The following TREH variants were observed in gnomAD, a reference collection of about 807,000 sequenced individuals.
TREH encodes the protein trehalase.
TREH carries 69 observed loss-of-function variants against 80.5 expected under a neutral mutation model. The observed-to-expected ratio is 0.86, with a 90% CI of 0.71 to 1.05. TREH has a LOEUF of 1.05. Among genes scored for constraint, TREH ranks in the 50% least tolerant of loss-of-function variants. TREH has a pLI of 0.00. For synonymous variants in TREH, 309 were observed against 293.5 expected (o/e 1.05, Z -0.54); for missense variants, 716 against 718.8 (o/e 1.00, Z 0.04).
chr11:118,672,754 C>G lies in TREH; in HGVS notation c.89+6785G>C, dbSNP rs1195393230. 2.1e-5 allele frequency among the ~76,000 whole-genome samples: 3 copies of G among 140,600 alleles called. No homozygotes were observed. In the Admixed American group the frequency reaches 2.1e-4, roughly 10 times the overall value. The allele number at this position is 140,600 out of a possible 152,430, so 92.2% of individuals were successfully genotyped here. ...AAAAAAAAGAAATCACCTGAAGGTA[C>G]AAAACTCACTGGTAATAGTAAGCAC... On this transcript the variant is annotated intron_variant, in intron 1 of 14. Coordinates refer to ENST00000264029, the MANE Select transcript of TREH (RefSeq NM_007180.3).
intron 1 of TREH, among the ~76,000 whole-genome samples, chr11:118,673,840 GAGT>G (rs1555146559): frequency 1.3e-5 from 2 of 152,214 alleles, no homozygotes; most frequent in African/African-American, 2.4e-5. Context: ...TCTTTGATCA[GAGT>G]AACAACCTTC....
In TREH at chr11:118,663,398, A is replaced by T. The variant is rs1475623077; in HGVS notation, c.131T>A (p.Met44Lys). Residue 44 changes from methionine to lysine, a missense_variant, in exon 2 of 15, where the codon ATG becomes AAG. Met to Lys is a moderately conservative substitution (Grantham distance 95). Coordinates refer to ENST00000264029, the MANE Select transcript of TREH (RefSeq NM_007180.3). ...CHGELLNQVQ[M>K]AKLYQDDKQF... ...CTTGTCATCCTGGTAGAGCTTGGCC[A>T]TTTGAACTTGGTTTAGGAGCTCCCC... is the stretch of plus-strand genomic sequence containing the variant. The T allele has an allele frequency of 1.9e-6, 3 of 1,596,736 alleles. No individual in the cohort carries two copies. Among genetic ancestry groups the T allele is most frequent in the African/African-American group, 2.7e-5 (2 of 74,632 alleles).
rs560240643 is a variant in TREH, at chr11:118,667,129, G to A, written c.90-3690C>T. Among the ~76,000 whole-genome samples the A allele has an allele frequency of 9.2e-5, 14 of 152,140 alleles. No individual in the cohort carries two copies. In the South Asian group the frequency reaches 2.5e-3, roughly 27 times the overall value. On this transcript the variant is annotated intron_variant, in intron 1 of 14. Transcript: ENST00000264029. ...ACTCCCAACCTCAGGTGATCCGCCC[G>A]TCTCAGCCTCCCAAAGTGCTGGGAT...
At chr11:118,666,905 G>A (rs541711427) in intron 1 of TREH, among the ~76,000 whole-genome samples, 3 of 151,708 alleles carry the variant, frequency 2.0e-5, no homozygotes, top group African/African-American at 4.8e-5. Flanking sequence ...TTTTTTAGAC[G>A]GAGTTTTGCT....
Position 118,660,635 on chromosome 11 carries a change from G to T in TREH, c.1006C>A (p.Leu336Ile), listed in dbSNP as rs1949309432. ...AGTTTGCTTGTTCGGATGCCGCTAA[G>T]CGAGTTGGGGTTTGGGCCTCCAATG... ...WLIGGPNPNS[L>I]SGIRTSKLVP... is the part of the protein sequence containing the mutation. Residue 336 changes from leucine (L) to isoleucine (I), a missense_variant, in exon 10 of 15, where the codon CTT (leucine) becomes ATT (isoleucine). Coordinates refer to ENST00000264029, the MANE Select transcript of TREH (RefSeq NM_007180.3). 1 of 1,608,058 alleles carries T rather than the reference G, an allele frequency of 6.2e-7. No individual in the cohort carries two copies. The highest frequency in any genetic ancestry group is 1.3e-5 in the African/African-American group (1 of 74,984).
chr11:118,664,707 C>T (rs1235519779), intron 1 of TREH, among the ~76,000 whole-genome samples: 1 of 152,154 alleles, frequency 6.6e-6, no homozygotes, highest in Non-Finnish European at 1.5e-5. Flanking sequence ...GCATACCGTC[C>T]TCAGAGTAGC....
chr11:118,658,580 C>T, intron 14 of TREH, 100 bp downstream of exon 14: 1 of 1,521,228 alleles, frequency 6.6e-7, no homozygotes, highest in South Asian at 1.2e-5. Flanking sequence ...CTCCCCCGGG[C>T]CCACATGCAG....
rs782012469 is a variant in TREH at position 118,661,197 on chromosome 11, G to A, written c.820C>T (p.Leu274Phe). 17 of 1,613,992 alleles carry A rather than the reference G, an allele frequency of 1.1e-5. No individual in the cohort carries two copies. Among genetic ancestry groups the A allele is most frequent in the Non-Finnish European group, 1.4e-5 (16 of 1,179,892 alleles). Residue 274 changes from leucine to phenylalanine, a missense_variant, in exon 8 of 15, where the codon CTC (leucine) becomes TTC (phenylalanine). Transcript: ENST00000264029. The surrounding 1 kb of genome is among the most constrained non-coding windows in gnomAD (Gnocchi z 4.2). ...VSVSLEGKNY[L>F]LNRYYVPYGG... ...TAAGGGACATAATAGCGATTCAGGA[G>A]GTAGTTCTTTCCCTCCAAGCTCACA...
At chr11:118,672,330 G>A (rs1949437204) in intron 1 of TREH, among the ~76,000 whole-genome samples, 1 of 152,026 alleles carries the variant, frequency 6.6e-6, no homozygotes, top group African/African-American at 2.4e-5. Context: ...CCGGGGAGGT[G>A]GAGGTTGCAG....
Position 118,661,365 on chromosome 11 carries a change from A to C in TREH, c.734+28T>G. 2.5e-6 allele frequency: 4 copies of C among 1,613,952 alleles called. No homozygotes were observed. The South Asian group carries it at 4.4e-5, about 18-fold the overall frequency. The stretch of plus-strand genomic sequence containing the variant: ...AGGTCTGAGGGATGGGTGGGTCTGC[A>C]GAGCAGCACAGGGAGGGTGGTACCC... On this transcript the variant is annotated intron_variant, in intron 7 of 14. Coordinates refer to ENST00000264029, the MANE Select transcript of TREH (RefSeq NM_007180.3). The surrounding 1 kb of genome is among the most constrained non-coding windows in gnomAD (Gnocchi z 4.2).
chr11:118,677,064 T>C (rs1949487571), intron 1 of TREH, among the ~76,000 whole-genome samples: 1 of 152,250 alleles, frequency 6.6e-6, no homozygotes, highest in South Asian at 2.1e-4. Context: ...TGATAAGTCT[T>C]TGTTTTTCTG....
chr11:118,666,326 TC>T (rs1289572152), intron 1 of TREH, among the ~76,000 whole-genome samples: 4 of 151,722 alleles, frequency 2.6e-5, no homozygotes, highest in African/African-American at 7.2e-5. Flanking sequence ...ATGAGGGGAA[TC>T]CAATATCACA....
chr11:118,659,647 G>T, intron 11 of TREH, 100 bp downstream of exon 11: 1 of 1,441,050 alleles, frequency 6.9e-7, no homozygotes, highest in Non-Finnish European at 9.4e-7. Flanking sequence ...TGGGACAAGG[G>T]GCATAGCCGG....
rs558237041 is a variant in TREH at position 118,661,581 on chromosome 11, C to T, written c.617+56G>A. The T allele has an allele frequency of 6.2e-6, 10 of 1,613,002 alleles. No individual in the cohort carries two copies. In the East Asian group the frequency reaches 6.7e-5, roughly 11 times the overall value. On this transcript the variant is annotated intron_variant, in intron 6 of 14. Coordinates refer to ENST00000264029, the MANE Select transcript of TREH (RefSeq NM_007180.3). The surrounding 1 kb of genome is among the most constrained non-coding windows in gnomAD (Gnocchi z 4.2). Reference sequence around the variant, plus strand: ...CACCAAGGCAATCCAGCTGCATGCCCGTGGCACACCTGCCTCTCCTCCCCA... The same window carrying T: ...CACCAAGGCAATCCAGCTGCATGCCTGTGGCACACCTGCCTCTCCTCCCCA...
intron 1 of TREH, among the ~76,000 whole-genome samples, chr11:118,669,272 G>C (rs1555145987): frequency 6.6e-6 from 1 of 152,162 alleles, no homozygotes; most frequent in East Asian, 1.9e-4. Context: ...CAACCACTAT[G>C]GAGAACTGTT....
chr11:118,669,064 A>G (rs917843589), intron 1 of TREH, among the ~76,000 whole-genome samples: 1 of 152,236 alleles, frequency 6.6e-6, no homozygotes, highest in Non-Finnish European at 1.5e-5. Context: ...AAAAGAAGAC[A>G]TACAAATGGC....
Position 118,661,495 on chromosome 11 carries a change from G to A in TREH, c.632C>T (p.Pro211Leu), listed in dbSNP as rs1565525741. Residue 211 changes from proline (P) to leucine (L), a missense_variant, in exon 7 of 15, where the codon CCC becomes CTC. Physicochemically the swap from Pro to Leu is moderately conservative, Grantham distance 98 (BLOSUM62 -3). Coordinates refer to ENST00000264029, the MANE Select transcript of TREH (RefSeq NM_007180.3). The surrounding 1 kb of genome is among the most constrained non-coding windows in gnomAD (Gnocchi z 4.2). ...CAGGTAGTACACGCGCCCACCATTG[G>A]GGACATGCCCATAGCTGCCAAGGGG... ...LDLVKTYGHV[P>L]NGGRVYYLQR... The A allele has an allele frequency of 6.2e-7, 1 of 1,613,590 alleles. No homozygotes were observed. Among genetic ancestry groups the A allele is most frequent in the Admixed American group, 1.7e-5 (1 of 59,958 alleles).
chr11:118,677,128 G>A (rs931655270), intron 1 of TREH, among the ~76,000 whole-genome samples: 14 of 152,258 alleles, frequency 9.2e-5, no homozygotes, highest in Non-Finnish European at 1.6e-4. Context: ...TGTGGCAGGG[G>A]CCTTTGGCCG....
At chr11:118,666,858 G>C (rs1311085161) in intron 1 of TREH, among the ~76,000 whole-genome samples, 1 of 151,872 alleles carries the variant, frequency 6.6e-6, no homozygotes, top group African/African-American at 2.4e-5. Context: ...AAACAGAATA[G>C]AAAAAAGTTT....
Sources: allele counts gnomAD v4.1 joint callset (sites outside exome capture counted in the v4.1 genomes callset), GRCh38; gene constraint gnomAD v4.1.1; non-coding constraint Gnocchi (gnomAD v3.1); transcripts MANE v1.5; gene names NCBI Gene and HGNC (gene_info 2026-07-23, HGNC 2026-07-21).